The following AGPS variants were observed in gnomAD, a reference collection of about 807,000 sequenced individuals.
The protein encoded by AGPS is alkylglycerone phosphate synthase.
AGPS carries 26 observed loss-of-function variants against 90.7 expected under a neutral mutation model. That is an observed-to-expected ratio of 0.29 (90% confidence interval 0.21 to 0.40). The LOEUF (loss-of-function observed/expected upper bound fraction) is 0.40, where lower values mean the gene tolerates loss of function less well. Among genes scored for constraint, AGPS ranks in the 10% least tolerant of loss-of-function variants. The pLI is 1.00. For missense variants in AGPS, 540 were observed against 816.1 expected (o/e 0.66, Z 4.12); for synonymous variants, 294 against 285.3 (o/e 1.03, Z -0.31).
At chr2:177,396,106 G>C (rs1685165414) in intron 1 of AGPS, among the ~76,000 whole-genome samples, 1 of 152,168 alleles carries the variant, frequency 6.6e-6, no homozygotes, top group Non-Finnish European at 1.5e-5. Flanking sequence ...GGTGGTCAGA[G>C]GAAGCTTTCT....
At chr2:177,439,687 C>T (rs920960242) in intron 5 of AGPS, among the ~76,000 whole-genome samples, 2 of 152,132 alleles carry the variant, frequency 1.3e-5, no homozygotes, top group Non-Finnish European at 2.9e-5. Flanking sequence ...TATTCATTTG[C>T]TTTCCTCAGC....
At chr2:177,510,289 CAGAG>C (rs373115009) in intron 16 of AGPS, among the ~76,000 whole-genome samples, 4 of 151,728 alleles carry the variant, frequency 2.6e-5, no homozygotes, top group South Asian at 4.1e-4. Context: ...TGGAGGAAAG[CAGAG>C]AGAGAGAGAA....
At position 177,449,870 on chromosome 2, in the gene AGPS, C is replaced by T. The variant is rs554465182; in HGVS notation, c.870+4244C>T. On this transcript the variant is annotated intron_variant, in intron 8 of 19. Transcript: ENST00000264167. ...TTTTTTTTTTTGAGATGGAGTGTCG[C>T]TCTGTTGTCCAGGCTGGAGTGCAGT... 2.0e-5 allele frequency among the ~76,000 whole-genome samples: 3 copies of T among 151,212 alleles called. No individual in the cohort carries two copies. The South Asian group carries it at 6.3e-4, about 32-fold the overall frequency.
intron 11 of AGPS, among the ~76,000 whole-genome samples, chr2:177,483,166 T>C (rs1687995633): frequency 6.6e-6 from 1 of 152,186 alleles, no homozygotes; most frequent in Admixed American, 6.5e-5. Context: ...ATCTTGGAAT[T>C]TGTAAGGTAC....
chr2:177,509,591 G>A (rs559216772), intron 16 of AGPS, among the ~76,000 whole-genome samples: 12 of 151,292 alleles, frequency 7.9e-5, no homozygotes, highest in East Asian at 1.9e-4. Context: ...GTGTGAACCC[G>A]GGAGGCGGGG....
Position 177,441,049 on chromosome 2 carries a change from C to G in AGPS, c.709+13C>G, listed in dbSNP as rs778960003. On this transcript the variant is annotated intron_variant, in intron 6 of 19. Transcript: ENST00000264167. ...ATACCAATTGGTGGTAGGTATTGTG[C>G]CTTTTGAATTTTAATATGTAAATTT... 1 of 1,594,446 alleles carries G rather than the reference C, an allele frequency of 6.3e-7. No individual in the cohort carries two copies. The highest frequency in any genetic ancestry group is 2.2e-5 in the East Asian group (1 of 44,540).
chr2:177,478,171 T>G (rs1393241740), intron 10 of AGPS, among the ~76,000 whole-genome samples: 1 of 152,230 alleles, frequency 6.6e-6, no homozygotes, highest in East Asian at 1.9e-4. Flanking sequence ...ATATGTTATC[T>G]CACCACTGTC....
Position 177,540,053 on chromosome 2 carries a change from A to ATGTG in AGPS, c.*1861_*1862insGTGT, listed in dbSNP as rs1553519847. On this transcript the variant is annotated 3_prime_UTR_variant, in exon 20 of 20. Coordinates refer to ENST00000264167, the MANE Select transcript of AGPS (RefSeq NM_003659.4). ...GAAGTATATATATATATATATATAT[A>ATGTG]TGTATGCATGTGTGTGTGTGTATAT... The ATGTG allele has an allele frequency of 9.1e-5, 9 of 99,032 alleles. No homozygotes were observed. The highest frequency in any genetic ancestry group is 1.5e-4 in the Non-Finnish European group (7 of 47,288). The allele number at this position is 99,032 out of a possible 1,614,324, so 6.1% of individuals were successfully genotyped here.
At chr2:177,490,120 A>G (rs1688207616) in intron 11 of AGPS, among the ~76,000 whole-genome samples, 1 of 152,226 alleles carries the variant, frequency 6.6e-6, no homozygotes, top group Non-Finnish European at 1.5e-5. Context: ...TACATATAGT[A>G]ACTCAAATTG....
At chr2:177,521,074 G>A (rs531378246) in intron 17 of AGPS, among the ~76,000 whole-genome samples, 195 bp from the exon 18 acceptor site, 81 of 152,280 alleles carry the variant, frequency 5.3e-4, no homozygotes, top group African/African-American at 1.8e-3. Context: ...TTTGCACTGC[G>A]TCCTCAGTTC....
At chr2:177,467,014 T>A (rs911520136) in intron 9 of AGPS, among the ~76,000 whole-genome samples, 5 of 151,618 alleles carry the variant, frequency 3.3e-5, no homozygotes, top group African/African-American at 9.7e-5. Flanking sequence ...AGGAAGGGGG[T>A]GGGGCTTCCA....
At chr2:177,423,678 C>T (rs916157143) in intron 2 of AGPS, among the ~76,000 whole-genome samples, 8 of 152,164 alleles carry the variant, frequency 5.3e-5, no homozygotes, top group African/African-American at 7.2e-5. Flanking sequence ...TGCAGGAGGG[C>T]GACTTTGACA....
At chr2:177,521,696 ATGG>A (rs1689197322) in intron 18 of AGPS, among the ~76,000 whole-genome samples, 1 of 152,164 alleles carries the variant, frequency 6.6e-6, no homozygotes, top group Non-Finnish European at 1.5e-5. Flanking sequence ...TCATTTCCAC[ATGG>A]TGGTTGCTGT....
intron 9 of AGPS, among the ~76,000 whole-genome samples, chr2:177,465,891 T>C (rs1687432112): frequency 6.6e-6 from 1 of 152,250 alleles, no homozygotes; most frequent in Admixed American, 6.5e-5. Flanking sequence ...TTCAGCCCTG[T>C]TTGTGTTACA....
intron 6 of AGPS, among the ~76,000 whole-genome samples, chr2:177,441,879 G>A (rs1327297808): frequency 1.3e-5 from 2 of 152,106 alleles, no homozygotes; most frequent in African/African-American, 4.8e-5. Flanking sequence ...TTTCACCAAA[G>A]AACATATAAA....
At position 177,445,604 on chromosome 2, in the gene AGPS, C is replaced by G. The variant is rs1247187221; in HGVS notation, c.848C>G (p.Thr283Arg). 6 of 1,611,888 alleles carry G rather than the reference C, an allele frequency of 3.7e-6. No homozygotes were observed. Among genetic ancestry groups the G allele is most frequent in the Non-Finnish European group, 5.1e-6 (6 of 1,178,634 alleles). ...NLTAHVEAGITGQELERQLKE... is the reference protein window; with the variant it reads ...NLTAHVEAGIRGQELERQLKE... ...ACAGCTCATGTAGAGGCTGGCATAA[C>G]AGGACAAGAGTTGGAAAGACAGGTA... The change falls in exon 8 of 20, where the codon ACA becomes AGA. Residue 283 changes from threonine (T) to arginine (R), a missense_variant. Around this residue, in one of 2 missense-constraint regions of AGPS, gnomAD observed 405 missense variants for 692.1 expected, o/e 0.59. Coordinates refer to ENST00000264167, the MANE Select transcript of AGPS (RefSeq NM_003659.4).
At chr2:177,433,039 G>T (rs1399537972) in intron 2 of AGPS, among the ~76,000 whole-genome samples, 1 of 152,150 alleles carries the variant, frequency 6.6e-6, no homozygotes, top group East Asian at 1.9e-4. Flanking sequence ...CCTCCCACTA[G>T]GGGATCAAAT....
intron 12 of AGPS, among the ~76,000 whole-genome samples, chr2:177,495,431 G>T (rs902138709): frequency 1.2e-4 from 19 of 152,158 alleles, no homozygotes; most frequent in South Asian, 1.0e-3. Flanking sequence ...GTAGAGCTAG[G>T]GATGAACCCA....
chr2:177,527,855 T>C (rs932694554), intron 19 of AGPS, among the ~76,000 whole-genome samples: 2 of 152,220 alleles, frequency 1.3e-5, no homozygotes, highest in Non-Finnish European at 2.9e-5. Flanking sequence ...TAGAAATCTT[T>C]TATGTCTATC....
Sources: gnomAD v4.1 joint callset for allele counts (sites outside exome capture counted in the v4.1 genomes callset) on GRCh38, gnomAD v4.1.1 for gene constraint, gnomAD v4.1.1 regional missense constraint, MANE v1.5 for transcripts, NCBI Gene and HGNC (gene_info 2026-07-23, HGNC 2026-07-21) for gene names.